EXOSC4: variants seen among roughly 807,000 people sequenced by gnomAD.
The protein encoded by EXOSC4 is exosome component 4.
EXOSC4 carries 14 observed loss-of-function variants against 20.0 expected under a neutral mutation model. The ratio of observed to expected loss-of-function variants is 0.70; its 90% CI spans 0.46 to 1.09. The LOEUF (loss-of-function observed/expected upper bound fraction) is 1.09, where lower values mean the gene tolerates loss of function less well. EXOSC4 is among the 50% of genes least tolerant of loss of function. The pLI, the probability that EXOSC4 is intolerant of heterozygous loss-of-function variation, is 0.00. For synonymous variants in EXOSC4, 148 were observed against 146.4 expected, an observed-to-expected ratio of 1.01 and a Z score of -0.08; for missense variants, 337 against 334.0, an observed-to-expected ratio of 1.01 and a Z score of -0.07.
the EXOSC4 span, among the ~76,000 whole-genome samples, chr8:144,070,429 C>T: frequency 2.6e-5 from 4 of 151,138 alleles, no homozygotes; most frequent in South Asian, 2.1e-4. Context: ...GAGGCTGAGG[C>T]GGGAGAACCG....
chr8:144,080,428 C>T lies in EXOSC4; in HGVS notation c.565C>T (p.Leu189=), dbSNP rs782147811. ...TGGTGGCCCCCAGCTGGCCCTGGCC[C>T]TGCTGCCAGCCTCAGGACAGATTGC... ...AAGGPQLALA[L]LPASGQIALL... is the part of the protein sequence containing the mutation. Residue 189 remains leucine, a synonymous_variant, in exon 3 of 3, where the codon CTG becomes TTG. Transcript: ENST00000316052. This position sits in a 1 kb window ranked among gnomAD's most constrained non-coding sequence, Gnocchi z 4.9. The T allele has an allele frequency of 1.5e-5, 24 of 1,610,424 alleles. No homozygotes were observed. The Admixed American group carries it at 4.0e-4, about 27-fold the overall frequency.
upstream of EXOSC4, among the ~76,000 whole-genome samples, chr8:144,076,394 C>T (rs1237599803): frequency 1.3e-5 from 2 of 152,162 alleles, no homozygotes; most frequent in Non-Finnish European, 2.9e-5. Flanking sequence ...ATCGGTTACT[C>T]TGGAGGGGTC....
chr8:144,071,144 A>G, the EXOSC4 span, among the ~76,000 whole-genome samples: 1 of 148,950 alleles, frequency 6.7e-6, no homozygotes, highest in African/African-American at 2.5e-5. Flanking sequence ...TATACGCTCT[A>G]AAGTGTCCAG....
chr8:144,065,020 T>C, the EXOSC4 span, among the ~76,000 whole-genome samples: 1 of 151,620 alleles, frequency 6.6e-6, no homozygotes, highest in Non-Finnish European at 1.5e-5. Context: ...TTTTTTGTAT[T>C]TTTTTTAGTA....
chr8:144,064,127 G>A, the EXOSC4 span, among the ~76,000 whole-genome samples: 1 of 152,368 alleles, frequency 6.6e-6, no homozygotes, highest in South Asian at 2.1e-4. Context: ...AGCCCCCTGA[G>A]GGCCAAATGG....
chr8:144,069,588 GGATCGCC>G, the EXOSC4 span, among the ~76,000 whole-genome samples: 1 of 152,202 alleles, frequency 6.6e-6, no homozygotes, highest in Non-Finnish European at 1.5e-5. Flanking sequence ...GGGTCACCCG[GGATCGCC>G]TCCCCGCCTC....
chr8:144,071,314 C>T, the EXOSC4 span, among the ~76,000 whole-genome samples: 2 of 121,686 alleles, frequency 1.6e-5, no homozygotes, highest in African/African-American at 6.4e-5. Flanking sequence ...CCTCCGCTCC[C>T]CTCTCCTCCC....
Position 144,078,987 on chromosome 8 carries a change from A to T in EXOSC4, c.171+88A>T. ...GCGCTGGCTCGGGGACTTGAGGGGC[A>T]ACGGCCGGCGCGCCTCAGTCTACAC... On this transcript the variant is annotated intron_variant, in intron 1 of 2. Transcript: ENST00000316052. The surrounding 1 kb of genome is among the most constrained non-coding windows in gnomAD (Gnocchi z 4.7). The T allele has an allele frequency of 1.2e-5, 15 of 1,297,786 alleles. No homozygotes were observed. In the South Asian group the frequency reaches 1.2e-4, roughly 10 times the overall value. The allele number at this position is 1,297,786 out of a possible 1,614,324, so 80.4% of individuals were successfully genotyped here.
chr8:144,073,350 C>T, the EXOSC4 span, among the ~76,000 whole-genome samples: 3 of 152,138 alleles, frequency 2.0e-5, no homozygotes, highest in African/African-American at 7.2e-5. Context: ...CGCACCACTG[C>T]ACTCCAGCCT....
At chr8:144,076,547 A>G (rs1404519435), upstream of EXOSC4, among the ~76,000 whole-genome samples, 1 of 152,070 alleles carries the variant, frequency 6.6e-6, no homozygotes, top group Non-Finnish European at 1.5e-5. Context: ...ATAATCCTAA[A>G]CCTGTAATGC....
At chr8:144,066,183 ATT>A in the EXOSC4 span, among the ~76,000 whole-genome samples, 1 of 148,230 alleles carries the variant, frequency 6.7e-6, no homozygotes, top group Non-Finnish European at 1.5e-5. Context: ...CACCTGGCTG[ATT>A]TTTTTTTGTA....
the EXOSC4 span, among the ~76,000 whole-genome samples, chr8:144,065,772 T>C: frequency 6.6e-6 from 1 of 151,278 alleles, no homozygotes; most frequent in Non-Finnish European, 1.5e-5. Flanking sequence ...AGGAAGAAAA[T>C]GGAGTAGAGT....
chr8:144,080,318 C>A lies in EXOSC4; in HGVS notation c.455C>A (p.Pro152His), dbSNP rs782050719. 6.2e-7 allele frequency: 1 copy of A among 1,613,696 alleles called. No individual in the cohort carries two copies. Among genetic ancestry groups the A allele is most frequent in the East Asian group, 2.2e-5 (1 of 44,888 alleles). The change falls in exon 3 of 3, where the codon CCC (proline) becomes CAC (histidine). Residue 152 changes from proline (P) to histidine (H), a missense_variant. Transcript: ENST00000316052. This position sits in a 1 kb window ranked among gnomAD's most constrained non-coding sequence, Gnocchi z 4.9. ...ATLAVLDAGI[P>H]MRDFVCACSA... is the part of the protein sequence containing the mutation. ...CTGGCAGTGCTGGATGCCGGGATACCCATGAGAGACTTTGTGTGTGCGTGC... is the reference window on the plus strand; with the variant it reads ...CTGGCAGTGCTGGATGCCGGGATACACATGAGAGACTTTGTGTGTGCGTGC...
Position 144,080,376 on chromosome 8 carries a change from G to A in EXOSC4, c.513G>A (p.Ala171=), listed in dbSNP as rs147555477. 21 of 1,612,380 alleles carry A rather than the reference G, an allele frequency of 1.3e-5. No homozygotes were observed. Among genetic ancestry groups the A allele is most frequent in the African/African-American group, 4.0e-5 (3 of 75,052 alleles). Residue 171 remains alanine, a synonymous_variant, in exon 3 of 3, where the codon GCG becomes GCA. Transcript: ENST00000316052. This position sits in a 1 kb window ranked among gnomAD's most constrained non-coding sequence, Gnocchi z 4.9. ...SAGFVDGTAL[A]DLSHVEEAAG... ...GCTTCGTGGACGGCACAGCCCTGGC[G>A]GACCTCAGCCATGTGGAGGAAGCAG...
upstream of EXOSC4, among the ~76,000 whole-genome samples, chr8:144,076,665 C>A (rs147853578): frequency 1.3e-5 from 2 of 152,212 alleles, no homozygotes; most frequent in Non-Finnish European, 2.9e-5. Flanking sequence ...CTTTGGACAC[C>A]TTAGGCTGAA....
chr8:144,078,072 T>C (rs782391515), upstream of EXOSC4: 1 of 152,032 alleles, frequency 6.6e-6, no homozygotes, highest in Non-Finnish European at 1.5e-5. This position sits in a 1 kb window ranked among gnomAD's most constrained non-coding sequence, Gnocchi z 4.7. Context: ...ATACAACCCC[T>C]CTCTGGAAAG....
At chr8:144,074,716 G>A (rs1835821045), upstream of EXOSC4, among the ~76,000 whole-genome samples, 1 of 152,084 alleles carries the variant, frequency 6.6e-6, no homozygotes, top group South Asian at 2.1e-4. Flanking sequence ...AACTACAGGC[G>A]TGTGCCACCA....
chr8:144,078,690 A>C lies in EXOSC4; in HGVS notation c.-39A>C. On this transcript the variant is annotated 5_prime_UTR_variant, in exon 1 of 3. Transcript: ENST00000316052. The surrounding 1 kb of genome is among the most constrained non-coding windows in gnomAD (Gnocchi z 4.7). ...GGGAGCTGTAGTTCTCCCGCGGCTC[A>C]GAGAAGTAGGCAGAGAGCGGACCTG... The C allele has an allele frequency of 7.3e-7, 1 of 1,363,380 alleles. No homozygotes were observed. 84.5% of individuals were successfully genotyped at this position (1,363,380 alleles called of 1,614,324 possible).
At chr8:144,064,923 G>A in the EXOSC4 span, among the ~76,000 whole-genome samples, 1 of 148,572 alleles carries the variant, frequency 6.7e-6, no homozygotes, top group African/African-American at 2.5e-5. Flanking sequence ...CTCACTGCAA[G>A]CTCCGCCTCC....
Sources: allele counts gnomAD v4.1 joint callset (sites outside exome capture counted in the v4.1 genomes callset), GRCh38; gene constraint gnomAD v4.1.1; non-coding constraint Gnocchi (gnomAD v3.1); transcripts MANE v1.5; gene names NCBI Gene and HGNC (gene_info 2026-07-23, HGNC 2026-07-21).